The following EGFR variants were observed in gnomAD, a reference collection of about 807,000 sequenced individuals.
The protein encoded by EGFR is avian erythroblastic leukemia viral (v-erb-b) oncogene homolog.
In EGFR, 58 loss-of-function variants were observed where a neutral mutation model predicts 143.0. That is an observed-to-expected ratio of 0.41 (90% CI 0.33 to 0.50). EGFR has a LOEUF of 0.50. EGFR is among the 20% of genes least tolerant of loss of function. EGFR has a pLI of 0.39. For synonymous variants in EGFR, 613 were observed against 594.4 expected (o/e 1.03, Z -0.45); for missense variants, 1,307 against 1,579.0 (o/e 0.83, Z 2.92).
chr7:55,081,373 T>C (rs986426706), intron 1 of EGFR, among the ~76,000 whole-genome samples: 1 of 152,196 alleles, frequency 6.6e-6, no homozygotes, highest in African/African-American at 2.4e-5. Flanking sequence ...TTTCCTAGAC[T>C]GTTCACACTG....
intron 15 of EGFR, chr7:55,168,503 GTCTT>G (rs779351345): frequency 1.4e-5 from 19 of 1,371,736 alleles, no homozygotes; most frequent in Non-Finnish European, 2.0e-5. Context: ...TTTTTCTAAT[GTCTT>G]TCTATTTTTT....
intron 11 of EGFR, among the ~76,000 whole-genome samples, chr7:55,159,778 A>T (rs1048812649): frequency 2.0e-5 from 3 of 152,204 alleles, no homozygotes; most frequent in African/African-American, 7.2e-5. Context: ...TGGGTGGTGG[A>T]TAGATGGATG....
At chr7:55,163,519 A>G (rs192434141) in intron 13 of EGFR, among the ~76,000 whole-genome samples, 13 of 152,354 alleles carry the variant, frequency 8.5e-5, no homozygotes, top group African/African-American at 2.4e-4. Flanking sequence ...AGCAGAAAAG[A>G]TATCTTGATT....
At chr7:55,098,378 G>T (rs1328149018) in intron 1 of EGFR, among the ~76,000 whole-genome samples, 1 of 152,144 alleles carries the variant, frequency 6.6e-6, no homozygotes, top group South Asian at 2.1e-4. Context: ...CCTTCCCACA[G>T]TCAGGAACTG....
At chr7:55,157,854 C>T (rs1270521894) in intron 11 of EGFR, 101 bp downstream of exon 11, 1 of 1,172,122 alleles carries the variant, frequency 8.5e-7, no homozygotes, top group Non-Finnish European at 1.2e-6. Flanking sequence ...AGAGCTCCTG[C>T]ATCTCTCGCC....
At chr7:55,088,406 A>T (rs1172895955) in intron 1 of EGFR, among the ~76,000 whole-genome samples, 1 of 152,200 alleles carries the variant, frequency 6.6e-6, no homozygotes, top group African/African-American at 2.4e-5. Context: ...TGTTCATGGA[A>T]CTTCCCAGTC....
chr7:55,058,351 G>A (rs1177153864), intron 1 of EGFR, among the ~76,000 whole-genome samples: 2 of 151,862 alleles, frequency 1.3e-5, no homozygotes, highest in South Asian at 4.1e-4. Flanking sequence ...CAGAGATGAA[G>A]CCACTGCACT....
intron 20 of EGFR, among the ~76,000 whole-genome samples, chr7:55,187,271 A>C (rs1395597655): frequency 1.3e-5 from 2 of 152,078 alleles, no homozygotes; most frequent in Non-Finnish European, 2.9e-5. Context: ...GGTGACAATC[A>C]TGAGCACCTA....
intron 1 of EGFR, among the ~76,000 whole-genome samples, chr7:55,036,171 C>T (rs534281430): frequency 2.0e-5 from 3 of 149,052 alleles, no homozygotes; most frequent in African/African-American, 5.0e-5. Flanking sequence ...TCCACTGATT[C>T]GTTGAACAAA....
chr7:55,164,109 C>T (rs1785847687), intron 14 of EGFR, among the ~76,000 whole-genome samples: 1 of 152,240 alleles, frequency 6.6e-6, no homozygotes, highest in African/African-American at 2.4e-5. Flanking sequence ...TGGTTTCCCC[C>T]ATCCCTGACC....
intron 7 of EGFR, among the ~76,000 whole-genome samples, chr7:55,155,531 G>A (rs1022301347): frequency 2.6e-5 from 4 of 152,218 alleles, no homozygotes; most frequent in Non-Finnish European, 5.9e-5. Flanking sequence ...GGTGAGAGCA[G>A]GTGGAGGAGA....
intron 27 of EGFR, among the ~76,000 whole-genome samples, chr7:55,204,156 TACAC>T (rs964045392): frequency 7.5e-6 from 1 of 134,220 alleles, no homozygotes; most frequent in African/African-American, 2.7e-5. Flanking sequence ...ACACACCAAC[TACAC>T]ACACACATAC....
intron 27 of EGFR, 44 bp downstream of exon 27, chr7:55,202,669 G>A (rs200387958): frequency 7.1e-6 from 11 of 1,550,702 alleles, no homozygotes; most frequent in Middle Eastern, 1.7e-4. Context: ...CAACCTCCTC[G>A]ACCCACTCAG....
At chr7:55,048,309 C>T (rs1788296402) in intron 1 of EGFR, among the ~76,000 whole-genome samples, 1 of 152,172 alleles carries the variant, frequency 6.6e-6, no homozygotes, top group African/African-American at 2.4e-5. Flanking sequence ...ATTTCCAGGG[C>T]CCTGCTCAGA....
intron 1 of EGFR, among the ~76,000 whole-genome samples, chr7:55,104,033 C>T (rs780539278): frequency 2.0e-5 from 3 of 152,176 alleles, no homozygotes; most frequent in Admixed American, 6.5e-5. Context: ...CAATCGAGGC[C>T]CAACTCAAAT....
rs542932074 is a variant in EGFR at position 55,109,601 on chromosome 7, C to T, written c.89-32685C>T. 1.2e-5 allele frequency: 4 copies of T among 345,544 alleles called. No homozygotes were observed. In the East Asian group the frequency reaches 5.0e-4, roughly 44 times the overall value. The allele number at this position is 345,544 out of a possible 1,614,324, so 21.4% of individuals were successfully genotyped here. A position where few individuals can be genotyped will look rare whatever the true frequency, so the allele number is the denominator to read the frequency against. On this transcript the variant is annotated intron_variant, in intron 1 of 27. Coordinates refer to ENST00000275493, the MANE Select transcript of EGFR (RefSeq NM_005228.5). ...AGTAATTCAAAGCCTTCCTCGCTTT[C>T]CCATGTGAGTCATTGCTAGTCAGAA...
intron 1 of EGFR, among the ~76,000 whole-genome samples, chr7:55,021,621 G>T (rs1174434907): frequency 6.6e-6 from 1 of 152,198 alleles, no homozygotes; most frequent in Non-Finnish European, 1.5e-5. Context: ...AATAGGAGAT[G>T]AGCTCTTTTA....
At chr7:55,037,833 A>C (rs1787682445) in intron 1 of EGFR, among the ~76,000 whole-genome samples, 1 of 152,184 alleles carries the variant, frequency 6.6e-6, no homozygotes, top group Non-Finnish European at 1.5e-5. Flanking sequence ...TGATTAAAAA[A>C]CTTAACACCT....
rs2128958945 is a variant in EGFR at position 55,181,495 on chromosome 7, G to C, written c.2469+17G>C. 1.2e-6 allele frequency: 2 copies of C among 1,614,208 alleles called. No individual in the cohort carries two copies. The highest frequency in any genetic ancestry group is 1.7e-6 in the Non-Finnish European group (2 of 1,180,036). ...ATCGCAAAGGTAATCAGGGAAGGGA[G>C]ATACGGGGAGGGGAGATAAGGAGCC... is the stretch of plus-strand genomic sequence containing the variant. On this transcript the variant is annotated intron_variant, in intron 20 of 27. Coordinates refer to ENST00000275493, the MANE Select transcript of EGFR (RefSeq NM_005228.5).
Sources: gnomAD v4.1 joint callset for allele counts (sites outside exome capture counted in the v4.1 genomes callset) on GRCh38, gnomAD v4.1.1 for gene constraint, MANE v1.5 for transcripts, NCBI Gene and HGNC (gene_info 2026-07-23, HGNC 2026-07-21) for gene names.